The following PLA2G4C variants were observed in gnomAD, a reference collection of about 807,000 sequenced individuals.
The protein encoded by PLA2G4C is cytosolic phospholipase A2 gamma.
A neutral mutation model predicts 73.8 loss-of-function variants in PLA2G4C; 64 were observed. The observed-to-expected ratio is 0.87, with a 90% CI of 0.71 to 1.07. The LOEUF (loss-of-function observed/expected upper bound fraction) is 1.07. Ranked by LOEUF, PLA2G4C falls within the 50% of genes least tolerant of loss-of-function variation. The probability of loss-of-function intolerance (pLI) is 0.00; values close to 1 mark genes in which losing one functional copy is unlikely to be tolerated. For synonymous variants in PLA2G4C, 254 were observed against 252.1 expected (o/e 1.01, Z -0.07); for missense variants, 622 against 665.4 (o/e 0.93, Z 0.72).
In PLA2G4C at chr19:48,053,005, G is replaced by A. The variant is rs368729038; in HGVS notation, c.1572C>T (p.Asn524=). Residue 524 remains asparagine (N), a synonymous_variant, in exon 16 of 17, where the codon AAC becomes AAT. Coordinates refer to ENST00000599921, the MANE Select transcript of PLA2G4C (RefSeq NM_003706.3). Reference sequence around the variant, plus strand: ...TATGGTCTCCCACCTACCCGGCCACGTTCATCAACTCTCTAAGGATCTTCT... The same window carrying A: ...TATGGTCTCCCACCTACCCGGCCACATTCATCAACTCTCTAAGGATCTTCT... ...NKKKILRELM[N]VAGLYYPKDS... 98 of 1,608,400 alleles carry A rather than the reference G, an allele frequency of 6.1e-5. No homozygotes were observed. The highest frequency in any genetic ancestry group is 7.7e-5 in the Non-Finnish European group (90 of 1,175,838).
intron 12 of PLA2G4C, among the ~76,000 whole-genome samples, chr19:48,073,828 C>T (rs1393663152): frequency 1.3e-5 from 2 of 151,902 alleles, no homozygotes; most frequent in East Asian, 3.9e-4. Flanking sequence ...ACAACCGTAT[C>T]TCACATGAAC....
At chr19:48,088,882 C>T (rs1308138844) in intron 8 of PLA2G4C, among the ~76,000 whole-genome samples, 170 bp from the exon 9 acceptor site, 1 of 152,220 alleles carries the variant, frequency 6.6e-6, no homozygotes, top group Non-Finnish European at 1.5e-5. Flanking sequence ...TCTCTTCCAA[C>T]TCTGTGCTCA....
chr19:48,093,745 C>A (rs1367167889), intron 7 of PLA2G4C, among the ~76,000 whole-genome samples: 1 of 152,146 alleles, frequency 6.6e-6, no homozygotes, highest in Admixed American at 6.5e-5. Context: ...TGTCCCCACC[C>A]AAATCTCTCG....
intron 14 of PLA2G4C, among the ~76,000 whole-genome samples, chr19:48,057,516 G>A: frequency 5.6e-5 from 1 of 17,738 alleles, no homozygotes; most frequent in Non-Finnish European, 1.5e-4. Context: ...TTTTGACAGA[G>A]TCTCGCTCTG....
intron 12 of PLA2G4C, among the ~76,000 whole-genome samples, chr19:48,068,163 G>A (rs777154552): frequency 8.5e-5 from 13 of 152,116 alleles, no homozygotes; most frequent in Non-Finnish European, 1.5e-4. Context: ...TTAGCTGGGC[G>A]TGGTGGTGGC....
rs910653611 is a variant in PLA2G4C at position 48,072,479 on chromosome 19, C to T, written c.1006+2288G>A. ...AAACCCAAGCCTCTCATCTGCCAGA[C>T]TGAAGTCAGTAGATGAACTCTGGCT... is the stretch of plus-strand genomic sequence containing the variant. On this transcript the variant is annotated intron_variant, in intron 12 of 16. Coordinates refer to ENST00000599921, the MANE Select transcript of PLA2G4C (RefSeq NM_003706.3). This position sits in a 1 kb window ranked among gnomAD's most constrained non-coding sequence, Gnocchi z 4.4. 1.6e-4 allele frequency: 25 copies of T among 152,244 alleles called. 1 individual carries two copies. The highest frequency in any genetic ancestry group is 4.3e-4 in the African/African-American group (18 of 41,470). 9.4% of individuals were successfully genotyped at this position (152,244 alleles called of 1,614,324 possible).
In PLA2G4C at chr19:48,099,828, T is replaced by A. The variant is rs147316960; in HGVS notation, c.290A>T (p.Asp97Val). ...AISSLYTNDGDMEALEADLKH... is the reference protein window; with the variant it reads ...AISSLYTNDGVMEALEADLKH... The stretch of plus-strand genomic sequence containing the variant: ...CAGGTCAGCCTCGAGAGCTTCCATG[T>A]CACCATCATTGGTGTAGAGAGAAGA... The change falls in exon 5 of 17, where the codon GAC (aspartate) becomes GTC (valine). Residue 97 changes from aspartate (D) to valine (V), a missense_variant. Coordinates refer to ENST00000599921, the MANE Select transcript of PLA2G4C (RefSeq NM_003706.3). The A allele has an allele frequency of 2.6e-4, 416 of 1,613,648 alleles. No individual in the cohort carries two copies. The highest frequency in any genetic ancestry group is 3.2e-4 in the Non-Finnish European group (373 of 1,179,768).
chr19:48,106,914 G>A (rs1464892957), intron 1 of PLA2G4C, among the ~76,000 whole-genome samples: 1 of 151,940 alleles, frequency 6.6e-6, no homozygotes, highest in African/African-American at 2.4e-5. Context: ...GCATGATCTC[G>A]GCTCACTGCA....
intron 10 of PLA2G4C, among the ~76,000 whole-genome samples, chr19:48,080,457 G>C (rs531503381): frequency 6.6e-6 from 1 of 152,242 alleles, no homozygotes; most frequent in South Asian, 2.1e-4. Flanking sequence ...TCTACCGTTC[G>C]ATCCAGCAAT....
intron 7 of PLA2G4C, among the ~76,000 whole-genome samples, chr19:48,092,956 C>G (rs2031387828): frequency 6.6e-6 from 1 of 152,070 alleles, no homozygotes; most frequent in South Asian, 2.1e-4. Context: ...AAAAAGCACC[C>G]TGGTGTGTGA....
chr19:48,080,336 T>G (rs1170123409), intron 10 of PLA2G4C, among the ~76,000 whole-genome samples: 2 of 152,006 alleles, frequency 1.3e-5, no homozygotes, highest in African/African-American at 4.8e-5. Context: ...ACCATAGACG[T>G]TGGTGTGGAT....
chr19:48,052,311 G>A (rs1474516745), intron 16 of PLA2G4C: 1 of 152,210 alleles, frequency 6.6e-6, no homozygotes, highest in African/African-American at 2.4e-5. Flanking sequence ...ATGTGTTGGG[G>A]TAGGGGCCTG....
At chr19:48,091,883 C>CAAAAAAAAAAAAAAA (rs35118449) in intron 7 of PLA2G4C, among the ~76,000 whole-genome samples, 1 of 21,090 alleles carries the variant, frequency 4.7e-5, no homozygotes, top group Non-Finnish European at 8.6e-5. Context: ...GACTCCATCT[C>CAAAAAAAAAAAAAAA]AAAAAAAAAA....
At chr19:48,076,150 G>T (rs1478078391) in intron 11 of PLA2G4C, among the ~76,000 whole-genome samples, 1 of 152,168 alleles carries the variant, frequency 6.6e-6, no homozygotes, top group Admixed American at 6.5e-5. Context: ...ACTAAAACAG[G>T]GAGGGAGGCA....
intron 9 of PLA2G4C, among the ~76,000 whole-genome samples, chr19:48,085,921 C>T (rs542916783): frequency 6.6e-6 from 1 of 152,280 alleles, no homozygotes; most frequent in Non-Finnish European, 1.5e-5. Context: ...ACCCTGCATG[C>T]ACTCCCAGAT....
chr19:48,083,237 A>G (rs1439111431), intron 10 of PLA2G4C, among the ~76,000 whole-genome samples: 1 of 152,170 alleles, frequency 6.6e-6, no homozygotes, highest in African/African-American at 2.4e-5. Context: ...TAAACCCCAC[A>G]TCAAATAGTA....
chr19:48,052,973 G>C, intron 16 of PLA2G4C, 24 bp downstream of exon 16: 1 of 1,589,870 alleles, frequency 6.3e-7, no homozygotes, highest in Non-Finnish European at 8.6e-7. Flanking sequence ...ATAGGCATCA[G>C]AGCGACTATG....
intron 9 of PLA2G4C, among the ~76,000 whole-genome samples, chr19:48,085,812 A>G (rs1364587072): frequency 6.6e-6 from 1 of 152,144 alleles, no homozygotes; most frequent in African/African-American, 2.4e-5. Flanking sequence ...CACACCAGGG[A>G]GCCTGAAAGT....
At chr19:48,057,553 G>A (rs1263748217) in intron 14 of PLA2G4C, among the ~76,000 whole-genome samples, 1 of 127,322 alleles carries the variant, frequency 7.9e-6, no homozygotes, top group African/African-American at 3.0e-5. Context: ...GCAGTGGCGG[G>A]ATCTTGGCTC....
Sources: allele counts gnomAD v4.1 joint callset (sites outside exome capture counted in the v4.1 genomes callset), GRCh38; gene constraint gnomAD v4.1.1; non-coding constraint Gnocchi (gnomAD v3.1); transcripts MANE v1.5; gene names NCBI Gene and HGNC (gene_info 2026-07-23, HGNC 2026-07-21).